FGF14: variants seen among roughly 807,000 people sequenced by gnomAD.
FGF14 encodes fibroblast growth factor homologous factor 4.
In FGF14, 5 loss-of-function variants were observed where a neutral mutation model predicts 25.5. That is an observed-to-expected ratio of 0.20 (90% CI 0.10 to 0.41). The LOEUF is 0.41. FGF14 is among the 10% of genes least tolerant of loss of function. The pLI, the probability that FGF14 is intolerant of heterozygous loss-of-function variation, is 1.00. For missense variants in FGF14, 222 were observed against 320.1 expected (o/e 0.69, Z 2.34); for synonymous variants, 138 against 118.3 (o/e 1.17, Z -1.08).
chr13:102,310,696 T>TGTGG (rs1269681335), intron 1 of FGF14, among the ~76,000 whole-genome samples: 145 of 3,430 alleles, frequency 0.042, 20 homozygotes, highest in Non-Finnish European at 0.05. Context: ...TGTGTGTGTG[T>TGTGG]GGGGGGGGGG....
chr13:101,716,471 T>C lies in FGF14; in HGVS notation c.*6360A>G, dbSNP rs1017261546. On this transcript the variant is annotated 3_prime_UTR_variant, in exon 5 of 5. Transcript: ENST00000376143. Reference sequence around the variant, plus strand: ...ACTCTGTGTCAGTATATATATCTACTGATAATTAAAAATGAATTGTTATTC... The same window carrying C: ...ACTCTGTGTCAGTATATATATCTACCGATAATTAAAAATGAATTGTTATTC... 1.3e-5 allele frequency: 2 copies of C among 152,174 alleles called. No individual in the cohort carries two copies. Among genetic ancestry groups the C allele is most frequent in the Non-Finnish European group, 2.9e-5 (2 of 68,030 alleles). 9.4% of individuals were successfully genotyped at this position (152,174 alleles called of 1,614,324 possible). A position where few individuals can be genotyped will look rare whatever the true frequency, so the allele number is the denominator to read the frequency against.
chr13:101,790,272 A>G (rs901225266), intron 3 of FGF14, among the ~76,000 whole-genome samples: 1 of 151,990 alleles, frequency 6.6e-6, no homozygotes, highest in African/African-American at 2.4e-5. Flanking sequence ...CTTTTATGTA[A>G]TTATATCCAA....
At chr13:102,366,906 G>A (rs887401012) in intron 1 of FGF14, among the ~76,000 whole-genome samples, 2 of 152,028 alleles carry the variant, frequency 1.3e-5, no homozygotes, top group Non-Finnish European at 2.9e-5. Flanking sequence ...TAAATAATAA[G>A]ATGTATTTAA....
intron 3 of FGF14, among the ~76,000 whole-genome samples, chr13:101,759,481 T>C (rs1031016541): frequency 6.6e-6 from 1 of 152,184 alleles, no homozygotes; most frequent in African/African-American, 2.4e-5. Context: ...TCTCCCATAG[T>C]AGCTTGGTTG....
At chr13:102,376,770 T>G (rs777845925) in intron 1 of FGF14, among the ~76,000 whole-genome samples, 5 of 152,254 alleles carry the variant, frequency 3.3e-5, no homozygotes, top group Non-Finnish European at 7.3e-5. Context: ...TTTAATTAGT[T>G]GATTGACATT....
chr13:102,216,885 C>G (rs1173896645), intron 1 of FGF14, among the ~76,000 whole-genome samples: 1 of 152,172 alleles, frequency 6.6e-6, no homozygotes, highest in Admixed American at 6.5e-5. Flanking sequence ...TTAGATTCCA[C>G]ATATGAATGA....
chr13:101,732,446 T>A (rs1051721369), intron 3 of FGF14, among the ~76,000 whole-genome samples: 1 of 152,112 alleles, frequency 6.6e-6, no homozygotes, highest in Non-Finnish European at 1.5e-5. Flanking sequence ...ACATGATAAA[T>A]AATAGCTACT....
intron 3 of FGF14, among the ~76,000 whole-genome samples, chr13:101,755,132 T>C (rs558846321): frequency 1.2e-4 from 19 of 152,298 alleles, no homozygotes; most frequent in Middle Eastern, 3.4e-3. Flanking sequence ...AAACTTTGGG[T>C]TAAAATTACT....
At chr13:102,377,243 A>G (rs948799196) in intron 1 of FGF14, among the ~76,000 whole-genome samples, 15 of 152,194 alleles carry the variant, frequency 9.9e-5, no homozygotes, top group African/African-American at 3.6e-4. Context: ...TAGCAAAGCT[A>G]AGGCTTAAAT....
chr13:101,841,240 T>C (rs1440172645), intron 3 of FGF14, among the ~76,000 whole-genome samples: 1 of 152,034 alleles, frequency 6.6e-6, no homozygotes, highest in Non-Finnish European at 1.5e-5. Flanking sequence ...CATTGCATTA[T>C]GTTATCCACC....
rs568040847 is a variant in FGF14, at chr13:102,311,491, G to A, written c.208+89980C>T. 8.5e-5 allele frequency among the ~76,000 whole-genome samples: 13 copies of A among 152,176 alleles called. No individual in the cohort carries two copies. In the East Asian group the frequency reaches 2.1e-3, roughly 25 times the overall value. ...TCCTTCCCCACAGCTGAATCGGGCCGATTTAAAAGTCACCTCATGCATTTG... is the reference window on the plus strand; with the variant it reads ...TCCTTCCCCACAGCTGAATCGGGCCAATTTAAAAGTCACCTCATGCATTTG... On this transcript the variant is annotated intron_variant, in intron 1 of 4. Coordinates refer to the FGF14 transcript ENST00000376131.
chr13:102,115,206 G>C (rs1025502936), intron 1 of FGF14, among the ~76,000 whole-genome samples: 1 of 152,100 alleles, frequency 6.6e-6, no homozygotes, highest in African/African-American at 2.4e-5. Flanking sequence ...TTACCCTGGG[G>C]GAACAGGTTT....
intron 1 of FGF14, among the ~76,000 whole-genome samples, chr13:102,068,555 C>A (rs767964500): frequency 1.3e-5 from 2 of 152,178 alleles, no homozygotes; most frequent in Non-Finnish European, 2.9e-5. Context: ...GCTTGGCGGG[C>A]CTGCACTCGG....
chr13:102,110,685 G>A (rs372204438), intron 1 of FGF14, among the ~76,000 whole-genome samples: 8 of 152,032 alleles, frequency 5.3e-5, no homozygotes, highest in East Asian at 1.9e-4. Flanking sequence ...TGTCATACAC[G>A]CCTGTTACGT....
chr13:101,920,047 T>C (rs1320124799), upstream of FGF14, among the ~76,000 whole-genome samples: 1 of 152,198 alleles, frequency 6.6e-6, no homozygotes, highest in Non-Finnish European at 1.5e-5. Context: ...TCCCTGCGTT[T>C]TCATTTTACC....
chr13:101,766,295 ACCTTCTCTT>A (rs1356033628), intron 3 of FGF14, among the ~76,000 whole-genome samples: 1 of 152,144 alleles, frequency 6.6e-6, no homozygotes, highest in Non-Finnish European at 1.5e-5. Flanking sequence ...AGAAGTCACA[ACCTTCTCTT>A]TTTCTTCCTC....
chr13:102,180,330 T>C lies in FGF14; in HGVS notation c.208+221141A>G, dbSNP rs1048006136. On this transcript the variant is annotated intron_variant, in intron 1 of 4. Coordinates refer to the FGF14 transcript ENST00000376131. The stretch of plus-strand genomic sequence containing the variant: ...ATTTTCATTACTTTTTACTTTTTTT[T>C]GAGACAGAGTCTCACTCTGTCACCC... Among the ~76,000 whole-genome samples, 3 of 152,284 alleles carry C rather than the reference T, an allele frequency of 2.0e-5. 1 individual carries two copies. The highest frequency in any genetic ancestry group is 1.3e-4 in the Admixed American group (2 of 15,284).
At chr13:102,247,312 G>C (rs2051925057) in intron 1 of FGF14, among the ~76,000 whole-genome samples, 1 of 151,944 alleles carries the variant, frequency 6.6e-6, no homozygotes, top group Non-Finnish European at 1.5e-5. Flanking sequence ...TACAGGATGG[G>C]AGAAAATATT....
intron 3 of FGF14, among the ~76,000 whole-genome samples, chr13:101,748,813 T>C (rs2037072713): frequency 7.1e-6 from 1 of 141,044 alleles, no homozygotes; most frequent in African/African-American, 2.7e-5. Flanking sequence ...CACTTCTGAG[T>C]ATATGTCCCA....
Sources: allele counts gnomAD v4.1 joint callset (sites outside exome capture counted in the v4.1 genomes callset), GRCh38; gene constraint gnomAD v4.1.1; transcripts MANE v1.5; gene names NCBI Gene and HGNC (gene_info 2026-07-23, HGNC 2026-07-21).